Variants in CDCP1 observed in about 807,000 individuals in gnomAD.
The protein encoded by CDCP1 is CUB domain-containing protein 1.
A neutral mutation model predicts 60.2 loss-of-function variants in CDCP1; 29 were observed. The ratio of observed to expected loss-of-function variants is 0.48; its 90% CI spans 0.36 to 0.66. CDCP1 has a LOEUF of 0.66. CDCP1 is among the 30% of genes least tolerant of loss of function. CDCP1 has a pLI of 0.00. For synonymous variants in CDCP1, 387 were observed against 431.1 expected (o/e 0.90, Z 1.27); for missense variants, 876 against 1,074.3 (o/e 0.82, Z 2.58).
chr3:45,117,982 T>G (rs1039324756), intron 2 of CDCP1, among the ~76,000 whole-genome samples: 6 of 152,174 alleles, frequency 3.9e-5, no homozygotes, highest in Non-Finnish European at 8.8e-5. Flanking sequence ...CTTCTGATTC[T>G]TTTGTCTTCC....
chr3:45,110,329 T>A, intron 4 of CDCP1, 144 bp downstream of exon 4: 1 of 1,448,896 alleles, frequency 6.9e-7, no homozygotes, highest in South Asian at 1.5e-5. Flanking sequence ...GCAACCCACT[T>A]CCTGAAACTC....
chr3:45,093,645 T>C lies in CDCP1; in HGVS notation c.1259A>G (p.His420Arg). 2 of 1,612,198 alleles carry C rather than the reference T, an allele frequency of 1.2e-6. No homozygotes were observed. Among genetic ancestry groups the C allele is most frequent in the Middle Eastern group, 3.3e-4 (2 of 6,028 alleles). The change falls in exon 6 of 9, where the codon CAC becomes CGC. Residue 420 changes from histidine (H) to arginine (R), a missense_variant. By Grantham distance (29) the His-to-Arg change is conservative. Transcript: ENST00000296129. Reference protein sequence around the residue: ...NVEKTISCTDHRYCQRKSYSL... With the variant: ...NVEKTISCTDRRYCQRKSYSL... Reference sequence around the variant, plus strand: ...GTAGGATTTCCTTTGGCAGTACCGGTGGTCTGTGCAGCCTGGAAGAAGTGG... The same window carrying C: ...GTAGGATTTCCTTTGGCAGTACCGGCGGTCTGTGCAGCCTGGAAGAAGTGG...
At chr3:45,135,720 G>A (rs1185172359) in intron 1 of CDCP1, among the ~76,000 whole-genome samples, 1 of 152,156 alleles carries the variant, frequency 6.6e-6, no homozygotes, top group Non-Finnish European at 1.5e-5. Flanking sequence ...TGTTAATGAT[G>A]TCCCACAGAC....
At chr3:45,120,001 G>T (rs1414312917) in intron 1 of CDCP1, among the ~76,000 whole-genome samples, 1 of 152,216 alleles carries the variant, frequency 6.6e-6, no homozygotes, top group African/African-American at 2.4e-5. Flanking sequence ...CCACGCTGCT[G>T]CATGGGTCAG....
chr3:45,085,951 A>C lies in CDCP1; in HGVS notation c.2198T>G (p.Val733Gly). 6.2e-7 allele frequency: 1 copy of C among 1,614,188 alleles called. No individual in the cohort carries two copies. Among genetic ancestry groups the C allele is most frequent in the Non-Finnish European group, 8.5e-7 (1 of 1,180,024 alleles). ...CATGGTGTCCTCGATGACTGCATACACATGGGAGTCATTGTCCTTTCGCCC... is the reference window on the plus strand; with the variant it reads ...CATGGTGTCCTCGATGACTGCATACCCATGGGAGTCATTGTCCTTTCGCCC... ...QKGRKDNDSH[V>G]YAVIEDTMVY... Residue 733 changes from valine to glycine, a missense_variant, in exon 9 of 9, where the codon GTG (valine) becomes GGG (glycine). Val to Gly is a moderately radical substitution (Grantham distance 109). Around this residue, in one of 2 missense-constraint regions of CDCP1, gnomAD observed 726 missense variants for 935.7 expected, o/e 0.78. Coordinates refer to ENST00000296129, the MANE Select transcript of CDCP1 (RefSeq NM_022842.5). This position sits in a 1 kb window ranked among gnomAD's most constrained non-coding sequence, Gnocchi z 4.2.
Position 45,085,300 on chromosome 3 carries a change from G to A in CDCP1, c.*338C>T, listed in dbSNP as rs1698169055. On this transcript the variant is annotated 3_prime_UTR_variant, in exon 9 of 9. Coordinates refer to ENST00000296129, the MANE Select transcript of CDCP1 (RefSeq NM_022842.5). The surrounding 1 kb of genome is among the most constrained non-coding windows in gnomAD (Gnocchi z 4.2). The stretch of plus-strand genomic sequence containing the variant: ...GAATTGGAACTGTTGTCCTGAAGAG[G>A]GCAAGCCTCTGTTTAACACTCTGAA... 4.2e-6 allele frequency: 1 copy of A among 235,322 alleles called. No homozygotes were observed. Among genetic ancestry groups the A allele is most frequent in the Admixed American group, 5.1e-5 (1 of 19,620 alleles). 14.6% of individuals were successfully genotyped at this position (235,322 alleles called of 1,614,324 possible).
chr3:45,106,293 C>T (rs552588126), intron 4 of CDCP1, among the ~76,000 whole-genome samples: 7 of 152,256 alleles, frequency 4.6e-5, no homozygotes, highest in Non-Finnish European at 1.5e-5. Context: ...CAGCTTTCTC[C>T]ACCCCTGCTG....
rs935707647 is a variant in CDCP1 at position 45,093,439 on chromosome 3, G to A, written c.1465C>T (p.Pro489Ser). 4 of 1,614,180 alleles carry A rather than the reference G, an allele frequency of 2.5e-6. No individual in the cohort carries two copies. The highest frequency in any genetic ancestry group is 2.2e-5 in the South Asian group (2 of 91,084). ...GAGCCGAAGTACAGGTCCTGGCTGGGTATGGCACTGGCCACGAGGTAGCTG... is the reference window on the plus strand; with the variant it reads ...GAGCCGAAGTACAGGTCCTGGCTGGATATGGCACTGGCCACGAGGTAGCTG... ...SFSYLVASAIPSQDLYFGSFC... is the reference protein window; with the variant it reads ...SFSYLVASAISSQDLYFGSFC... The change falls in exon 6 of 9, where the codon CCC (proline) becomes TCC (serine). Residue 489 changes from proline (P) to serine (S), a missense_variant. By Grantham distance (74) the Pro-to-Ser change is moderately conservative. Around this residue, in one of 2 missense-constraint regions of CDCP1, gnomAD observed 726 missense variants for 935.7 expected, o/e 0.78. Transcript: ENST00000296129.
chr3:45,120,519 T>C (rs2126001204), intron 1 of CDCP1, among the ~76,000 whole-genome samples: 1 of 152,322 alleles, frequency 6.6e-6, no homozygotes, highest in South Asian at 2.1e-4. Context: ...AGTCTATGAC[T>C]ATTACCTGAG....
In CDCP1 at chr3:45,118,295, T is replaced by G. The variant is rs78506979; in HGVS notation, c.292+117A>C. 6.6e-3 allele frequency: 5,124 copies of G among 772,850 alleles called. 161 individuals carry two copies. The African/African-American group carries it at 0.076, about 12-fold the overall frequency. 47.9% of individuals were successfully genotyped at this position (772,850 alleles called of 1,614,324 possible). Reference sequence around the variant, plus strand: ...GAGCTAAATTAAAAAACTGTAGAGTTTCAGAATAGATCTTAGCTCTCTAGC... The same window carrying G: ...GAGCTAAATTAAAAAACTGTAGAGTGTCAGAATAGATCTTAGCTCTCTAGC... On this transcript the variant is annotated intron_variant, in intron 2 of 8. Transcript: ENST00000296129.
chr3:45,124,855 G>GAC (rs1319183881), intron 1 of CDCP1, among the ~76,000 whole-genome samples: 1 of 152,158 alleles, frequency 6.6e-6, no homozygotes, highest in Non-Finnish European at 1.5e-5. Flanking sequence ...ACCCCAAGGG[G>GAC]ACACACACAC....
In CDCP1 at chr3:45,091,745, T is replaced by A. The variant is rs964946212; in HGVS notation, c.1628-207A>T. On this transcript the variant is annotated intron_variant, in intron 6 of 8. Transcript: ENST00000296129. This position sits in a 1 kb window ranked among gnomAD's most constrained non-coding sequence, Gnocchi z 4.8. ...GCTGAGCCTTGAAATGTGCCCAGCA[T>A]GACCAAAGAACTGCATTTTAAATTT... 1.3e-5 allele frequency among the ~76,000 whole-genome samples: 2 copies of A among 152,244 alleles called. No homozygotes were observed. The highest frequency in any genetic ancestry group is 4.8e-5 in the African/African-American group (2 of 41,472).
intron 1 of CDCP1, among the ~76,000 whole-genome samples, chr3:45,126,355 G>A (rs1207444353): frequency 1.3e-5 from 2 of 151,750 alleles, no homozygotes; most frequent in African/African-American, 4.8e-5. Flanking sequence ...CAGGAAGTGG[G>A]GAGTCACCTC....
chr3:45,144,610 G>A (rs920242487), intron 1 of CDCP1, among the ~76,000 whole-genome samples: 1 of 152,146 alleles, frequency 6.6e-6, no homozygotes, highest in Non-Finnish European at 1.5e-5. Flanking sequence ...CAGGAACAGA[G>A]GCTCTCATTA....
At chr3:45,107,182 A>G (rs6779858) in intron 4 of CDCP1, among the ~76,000 whole-genome samples, 91,442 of 151,862 alleles carry the variant, frequency 0.6, 27,954 homozygotes, top group East Asian at 0.83. Flanking sequence ...TCTTTGTTTG[A>G]ACAAGTGTTG....
At chr3:45,104,681 A>C (rs1186823916) in intron 4 of CDCP1, among the ~76,000 whole-genome samples, 1 of 152,230 alleles carries the variant, frequency 6.6e-6, no homozygotes, top group Non-Finnish European at 1.5e-5. Flanking sequence ...ATAAAGGGGC[A>C]GATCTGTGAT....
chr3:45,110,920 G>A (rs1276193855), intron 3 of CDCP1, 79 bp from the exon 4 acceptor site: 3 of 1,492,784 alleles, frequency 2.0e-6, no homozygotes, highest in Non-Finnish European at 2.7e-6. Flanking sequence ...CGAGGGGTGG[G>A]GGTGTAGGAA....
At chr3:45,095,292 G>A (rs1399893691) in intron 5 of CDCP1, 55 bp downstream of exon 5, 8 of 1,518,734 alleles carry the variant, frequency 5.3e-6, no homozygotes, top group South Asian at 2.3e-5. Context: ...AAGGCAAGGC[G>A]GGGAGAGAAG....
At chr3:45,089,197 AT>A in intron 7 of CDCP1, 56 bp from the exon 8 acceptor site, 1 of 1,443,186 alleles carries the variant, frequency 6.9e-7, no homozygotes, top group Non-Finnish European at 9.7e-7. Context: ...GAGCTCTGCA[AT>A]GAACTTGAGG....
Sources: allele counts gnomAD v4.1 joint callset (sites outside exome capture counted in the v4.1 genomes callset), GRCh38; gene constraint gnomAD v4.1.1; regional missense constraint gnomAD v4.1.1; non-coding constraint Gnocchi (gnomAD v3.1); transcripts MANE v1.5; gene names NCBI Gene and HGNC (gene_info 2026-07-23, HGNC 2026-07-21).